The following SRRM3 variants were observed in gnomAD, a reference collection of about 807,000 sequenced individuals.
SRRM3 encodes serine/arginine repetitive matrix protein 3.
SRRM3 carries 27 observed loss-of-function variants against 66.2 expected under a neutral mutation model. The ratio of observed to expected loss-of-function variants is 0.41; its 90% CI spans 0.30 to 0.56. The LOEUF (loss-of-function observed/expected upper bound fraction) is 0.56, where lower values mean the gene tolerates loss of function less well. Among genes scored for constraint, SRRM3 ranks in the 20% least tolerant of loss-of-function variants. The pLI is 0.32. For missense variants in SRRM3, 918 were observed against 991.9 expected, an observed-to-expected ratio of 0.93 and a Z score of 1.00; for synonymous variants, 391 against 414.9, an observed-to-expected ratio of 0.94 and a Z score of 0.70.
intron 11 of SRRM3, among the ~76,000 whole-genome samples, chr7:76,276,585 T>TG (rs1440323486): frequency 6.6e-6 from 1 of 152,080 alleles, no homozygotes; most frequent in African/African-American, 2.4e-5. Context: ...AGGGGATCCC[T>TG]GCAAGAGGCA....
chr7:76,208,039 C>T (rs1442463555), intron 1 of SRRM3, among the ~76,000 whole-genome samples: 6 of 152,110 alleles, frequency 3.9e-5, no homozygotes, highest in African/African-American at 1.4e-4. Context: ...GTGGATTTCC[C>T]CTGGTGAAAA....
At position 76,261,412 on chromosome 7, in the gene SRRM3, C is replaced by T. The variant is rs985518679; in HGVS notation, c.636C>T (p.Asp212=). ...KKKSVKKHRR[D]RSDSGSRRKR... is the part of the protein sequence containing the mutation. ...AGAGTGTGAAGAAGCATCGCCGAGA[C>T]AGGTACCCTTGCTGCCCCCACCCTG... Residue 212 remains aspartate, a splice_region_variant and synonymous_variant, in exon 7 of 15, where the codon GAC becomes GAT. Transcript: ENST00000611745. The T allele has an allele frequency of 4.2e-5, 67 of 1,606,232 alleles. No homozygotes were observed. Among genetic ancestry groups the T allele is most frequent in the Non-Finnish European group, 5.5e-5 (65 of 1,176,584 alleles).
At chr7:76,241,094 A>C (rs1382732058) in intron 2 of SRRM3, among the ~76,000 whole-genome samples, 1 of 151,990 alleles carries the variant, frequency 6.6e-6, no homozygotes, top group African/African-American at 2.4e-5. Context: ...ATGGGGTTTC[A>C]CCATGTTGGC....
chr7:76,211,103 C>A (rs538565735), intron 1 of SRRM3, among the ~76,000 whole-genome samples: 1 of 152,214 alleles, frequency 6.6e-6, no homozygotes, highest in Non-Finnish European at 1.5e-5. Flanking sequence ...TGAGCCACTG[C>A]GCCCAGCCAA....
At position 76,261,422 on chromosome 7, in the gene SRRM3, T is replaced by TG. The variant is rs1554608729; in HGVS notation, c.638+9dup. 6.2e-7 allele frequency: 1 copy of TG among 1,601,078 alleles called. No homozygotes were observed. The highest frequency in any genetic ancestry group is 1.1e-5 in the South Asian group (1 of 89,514). ...GAAGCATCGCCGAGACAGGTACCCT[T>TG]GCTGCCCCCACCCTGGGGCCTCCTC... On this transcript the variant is annotated intron_variant, in intron 7 of 14. Coordinates refer to ENST00000611745, the MANE Select transcript of SRRM3 (RefSeq NM_001110199.3).
chr7:76,246,748 G>A (rs1004309174), intron 2 of SRRM3, among the ~76,000 whole-genome samples: 1 of 152,118 alleles, frequency 6.6e-6, no homozygotes. Flanking sequence ...GGCCTCAAGT[G>A]TGACCACCAC....
intron 1 of SRRM3, among the ~76,000 whole-genome samples, chr7:76,232,939 G>T (rs1351967009): frequency 2.0e-5 from 3 of 152,032 alleles, no homozygotes; most frequent in African/African-American, 7.2e-5. Flanking sequence ...GGACCTGCAT[G>T]GAGGGAGGAG....
intron 11 of SRRM3, among the ~76,000 whole-genome samples, chr7:76,275,233 T>C (rs1554610962): frequency 6.6e-6 from 1 of 152,062 alleles, no homozygotes; most frequent in Non-Finnish European, 1.5e-5. Flanking sequence ...ACCCCATGTT[T>C]ATCCCGGAGG....
At chr7:76,218,393 T>C (rs1224889442) in intron 1 of SRRM3, among the ~76,000 whole-genome samples, 2 of 152,238 alleles carry the variant, frequency 1.3e-5, no homozygotes, top group African/African-American at 4.8e-5. Flanking sequence ...AAGCTGAAGC[T>C]GCTTCTGTAG....
chr7:76,271,984 A>C (rs782438253), intron 11 of SRRM3, among the ~76,000 whole-genome samples: 17 of 152,170 alleles, frequency 1.1e-4, no homozygotes, highest in South Asian at 4.1e-4. Flanking sequence ...GTGGGGAAAT[A>C]AATATCGAGG....
At chr7:76,283,412 A>C in intron 14 of SRRM3, 1 of 523,374 alleles carries the variant, frequency 1.9e-6, no homozygotes, top group Non-Finnish European at 3.6e-6. Context: ...GGTGGGCCGC[A>C]GCCGGCATGG....
Position 76,235,305 on chromosome 7 carries a change from CA to C in SRRM3, c.233+7del. ...GAGATGATGGAGGAGCAGGGGTGAGCAGGCCGCGGGGCGGGACTGGGGTGGG... is the reference window on the plus strand; with the variant it reads ...GAGATGATGGAGGAGCAGGGGTGAGCGGCCGCGGGGCGGGACTGGGGTGGG... On this transcript the variant is annotated splice_region_variant and intron_variant, in intron 2 of 14. Transcript: ENST00000611745. The C allele has an allele frequency of 6.7e-7, 1 of 1,498,030 alleles. No homozygotes were observed. 92.8% of individuals were successfully genotyped at this position (1,498,030 alleles called of 1,614,324 possible). A position where few individuals can be genotyped will look rare whatever the true frequency, so the allele number is the denominator to read the frequency against.
intron 2 of SRRM3, among the ~76,000 whole-genome samples, chr7:76,240,605 G>A (rs1450432869): frequency 2.1e-5 from 3 of 141,864 alleles, no homozygotes; most frequent in Non-Finnish European, 3.0e-5. Context: ...GGGCAACAGA[G>A]CGAGACTCCA....
intron 12 of SRRM3, among the ~76,000 whole-genome samples, chr7:76,282,146 G>C (rs1802534583): frequency 1.4e-5 from 2 of 146,474 alleles, no homozygotes; most frequent in Admixed American, 6.7e-5. Flanking sequence ...CTCCCTCGAC[G>C]ACCCCAACTC....
intron 1 of SRRM3, among the ~76,000 whole-genome samples, chr7:76,219,338 G>A (rs1202036925): frequency 6.6e-6 from 1 of 152,234 alleles, no homozygotes; most frequent in Non-Finnish European, 1.5e-5. Context: ...TCTCACCTGA[G>A]CATTGTTACC....
chr7:76,223,364 G>A (rs1800772266), intron 1 of SRRM3, among the ~76,000 whole-genome samples: 1 of 152,212 alleles, frequency 6.6e-6, no homozygotes, highest in African/African-American at 2.4e-5. Flanking sequence ...CTTACACAGG[G>A]AAGGGAAGGG....
At chr7:76,254,247 C>G (rs910992719) in intron 3 of SRRM3, among the ~76,000 whole-genome samples, 1 of 151,750 alleles carries the variant, frequency 6.6e-6, no homozygotes. Context: ...TTTTAAACTC[C>G]TGATCTCAAG....
rs1476254601 is a variant in SRRM3 at position 76,282,957 on chromosome 7, C to T, written c.1596-7C>T. The stretch of plus-strand genomic sequence containing the variant: ...CGTCGCTCACTTACCTCGCGCCGGC[C>T]CCGCAGGGACAAGGACGGCGAGGGC... On this transcript the variant is annotated splice_polypyrimidine_tract_variant and splice_region_variant and intron_variant, in intron 13 of 14. Transcript: ENST00000611745. The T allele has an allele frequency of 3.3e-5, 44 of 1,348,000 alleles. No individual in the cohort carries two copies. The highest frequency in any genetic ancestry group is 3.8e-5 in the Non-Finnish European group (40 of 1,054,792). The allele number at this position is 1,348,000 out of a possible 1,614,324, so 83.5% of individuals were successfully genotyped here. A position where few individuals can be genotyped will look rare whatever the true frequency, so the allele number is the denominator to read the frequency against.
intron 1 of SRRM3, among the ~76,000 whole-genome samples, chr7:76,225,055 GT>G (rs1412125574): frequency 6.6e-6 from 1 of 152,122 alleles, no homozygotes; most frequent in Non-Finnish European, 1.5e-5. Context: ...TTCCGAAAGG[GT>G]TTTGTGGCTA....
Sources: allele counts gnomAD v4.1 joint callset (sites outside exome capture counted in the v4.1 genomes callset), GRCh38; gene constraint gnomAD v4.1.1; transcripts MANE v1.5; gene names NCBI Gene and HGNC (gene_info 2026-07-23, HGNC 2026-07-21).